CTNNA1: variants seen among roughly 807,000 people sequenced by gnomAD.
The protein encoded by CTNNA1 is catenin alpha 1.
CTNNA1 carries 37 observed loss-of-function variants against 98.4 expected under a neutral mutation model. That is an observed-to-expected ratio of 0.38 (90% CI 0.29 to 0.49). The LOEUF (loss-of-function observed/expected upper bound fraction) is 0.49, where lower values mean the gene tolerates loss of function less well. Ranked by LOEUF, CTNNA1 falls within the 20% of genes least tolerant of loss-of-function variation. The pLI is 0.95. For missense variants in CTNNA1, 761 were observed against 1,147.2 expected (o/e 0.66, Z 4.86); for synonymous variants, 404 against 413.2 (o/e 0.98, Z 0.27).
At chr5:138,822,027 CTT>C (rs1760099178) in intron 5 of CTNNA1, among the ~76,000 whole-genome samples, 1 of 152,166 alleles carries the variant, frequency 6.6e-6, no homozygotes, top group East Asian at 1.9e-4. Flanking sequence ...AAAAAGAACA[CTT>C]TAGCAGTCAG....
intron 13 of CTNNA1, among the ~76,000 whole-genome samples, chr5:138,927,876 G>C (rs1244681952): frequency 6.6e-6 from 1 of 152,088 alleles, no homozygotes; most frequent in African/African-American, 2.4e-5. Context: ...AGTCCCGAAG[G>C]CATGTGTGAC....
At chr5:138,761,417 A>G (rs943212948) in intron 1 of CTNNA1, among the ~76,000 whole-genome samples, 2 of 152,068 alleles carry the variant, frequency 1.3e-5, no homozygotes, top group African/African-American at 2.4e-5. Context: ...TTGTACTTTT[A>G]GTAGAGACGG....
chr5:138,861,600 A>G (rs1463903927), intron 7 of CTNNA1, among the ~76,000 whole-genome samples: 1 of 152,224 alleles, frequency 6.6e-6, no homozygotes, highest in Non-Finnish European at 1.5e-5. Context: ...AAAAACAGCA[A>G]GAGAGCAACT....
At chr5:138,826,660 A>G (rs991830161) in intron 6 of CTNNA1, among the ~76,000 whole-genome samples, 2 of 152,244 alleles carry the variant, frequency 1.3e-5, no homozygotes, top group African/African-American at 4.8e-5. Context: ...TAATTTAGAC[A>G]TAACAGGATA....
intron 7 of CTNNA1, among the ~76,000 whole-genome samples, chr5:138,840,454 A>C (rs1006051093): frequency 6.6e-6 from 1 of 152,228 alleles, no homozygotes; most frequent in Non-Finnish European, 1.5e-5. Context: ...ATGTATGTGC[A>C]AATGTGCAAA....
At chr5:138,827,177 G>A (rs1760810327) in intron 6 of CTNNA1, among the ~76,000 whole-genome samples, 1 of 152,124 alleles carries the variant, frequency 6.6e-6, no homozygotes, top group African/African-American at 2.4e-5. Flanking sequence ...TATTTTCCTT[G>A]TAATTCTCAT....
At chr5:138,834,555 TGA>T (rs1360079219) in intron 7 of CTNNA1, among the ~76,000 whole-genome samples, 1 of 152,222 alleles carries the variant, frequency 6.6e-6, no homozygotes, top group South Asian at 2.1e-4. Context: ...CTGTCTGACC[TGA>T]AAGTCTGAAC....
chr5:138,866,959 A>G (rs975432360), intron 7 of CTNNA1, among the ~76,000 whole-genome samples: 5 of 152,216 alleles, frequency 3.3e-5, no homozygotes, highest in Non-Finnish European at 7.3e-5. Context: ...CAGACCAGGA[A>G]GAATCTATTG....
chr5:138,926,723 A>G (rs1764133665), intron 13 of CTNNA1, among the ~76,000 whole-genome samples: 1 of 150,632 alleles, frequency 6.6e-6, no homozygotes, highest in African/African-American at 2.5e-5. Context: ...TCCCATTTTT[A>G]GGGGGAAAAA....
intron 1 of CTNNA1, chr5:138,761,925 T>G (rs1752423374): frequency 6.6e-6 from 1 of 152,148 alleles, no homozygotes; most frequent in African/African-American, 2.4e-5. Context: ...CTGGCTAATT[T>G]TTGTGTTTTC....
At chr5:138,776,826 C>G (rs375216972) in intron 1 of CTNNA1, among the ~76,000 whole-genome samples, 4 of 77,100 alleles carry the variant, frequency 5.2e-5, no homozygotes, top group East Asian at 1.4e-3. Flanking sequence ...CCCTCCCGGA[C>G]GGGGCGGCTG....
At chr5:138,850,319 G>T (rs1175529309) in intron 7 of CTNNA1, among the ~76,000 whole-genome samples, 2 of 152,032 alleles carry the variant, frequency 1.3e-5, no homozygotes, top group African/African-American at 2.4e-5. Context: ...TCAGCTTATA[G>T]TCCCTTAATT....
chr5:138,881,684 C>G (rs1378557889), intron 7 of CTNNA1, among the ~76,000 whole-genome samples: 1 of 152,170 alleles, frequency 6.6e-6, no homozygotes, highest in South Asian at 2.1e-4. Context: ...AGCCCCAGTT[C>G]TCTTTTTTAT....
Position 138,873,153 on chromosome 5 carries a change from G to C in CTNNA1, c.1063-13059G>C. The C allele has an allele frequency of 6.2e-7, 1 of 1,610,498 alleles. No individual in the cohort carries two copies. ...ATGTTTGACATATGGAGTCGTGTTTGGGATCGGAGCTGCCTGTGGTTCTGA... is the reference window on the plus strand; with the variant it reads ...ATGTTTGACATATGGAGTCGTGTTTCGGATCGGAGCTGCCTGTGGTTCTGA... On this transcript the variant is annotated intron_variant, in intron 7 of 17. Coordinates refer to ENST00000302763, the MANE Select transcript of CTNNA1 (RefSeq NM_001903.5). This position sits in a 1 kb window ranked among gnomAD's most constrained non-coding sequence, Gnocchi z 6.1.
chr5:138,892,731 T>C (rs921940633), intron 9 of CTNNA1, among the ~76,000 whole-genome samples: 1 of 151,996 alleles, frequency 6.6e-6, no homozygotes, highest in Non-Finnish European at 1.5e-5. Flanking sequence ...AATTTAAAAA[T>C]TCAGGCTGAG....
chr5:138,796,981 A>G (rs1757053856), intron 3 of CTNNA1, among the ~76,000 whole-genome samples: 1 of 152,136 alleles, frequency 6.6e-6, no homozygotes, highest in South Asian at 2.1e-4. Context: ...TTTAAAAATG[A>G]GATTGGGGCT....
At chr5:138,892,745 G>A (rs947579057) in intron 9 of CTNNA1, among the ~76,000 whole-genome samples, 4 of 151,924 alleles carry the variant, frequency 2.6e-5, no homozygotes, top group African/African-American at 7.3e-5. Flanking sequence ...GGCTGAGTGC[G>A]GTGGATCATG....
chr5:138,841,341 C>T (rs1418743142), intron 7 of CTNNA1, among the ~76,000 whole-genome samples: 6 of 151,718 alleles, frequency 4.0e-5, no homozygotes, highest in Admixed American at 3.9e-4. Context: ...CTGACTGCAA[C>T]TTCTGCCTCC....
intron 1 of CTNNA1, among the ~76,000 whole-genome samples, chr5:138,770,768 TG>T (rs1036495065): frequency 6.6e-6 from 1 of 152,022 alleles, no homozygotes; most frequent in African/African-American, 2.4e-5. Context: ...CTGGCTAACA[TG>T]GTGAAACCCC....
Sources: allele counts gnomAD v4.1 joint callset (sites outside exome capture counted in the v4.1 genomes callset), GRCh38; gene constraint gnomAD v4.1.1; non-coding constraint Gnocchi (gnomAD v3.1); transcripts MANE v1.5; gene names NCBI Gene and HGNC (gene_info 2026-07-23, HGNC 2026-07-21).